Variants in DHFR2 observed in about 807,000 individuals in gnomAD.
DHFR2 encodes dihydrofolate reductase 2, mitochondrial.
A neutral mutation model predicts 12.0 loss-of-function variants in DHFR2; 11 were observed. The observed-to-expected ratio is 0.92, with a 90% CI of 0.58 to 1.52. DHFR2 has a LOEUF of 1.52. Among genes scored for constraint, DHFR2 ranks in the 40% most tolerant of loss-of-function variants. DHFR2 has a pLI of 0.00. For synonymous variants in DHFR2, 87 were observed against 79.6 expected, an observed-to-expected ratio of 1.09 and a Z score of -0.49; for missense variants, 188 against 221.2, an observed-to-expected ratio of 0.85 and a Z score of 0.95.
chr3:94,061,671 ATAAAT>A (rs1397461813), intron 1 of DHFR2, 65 bp from the exon 2 acceptor site: 3 of 903,736 alleles, frequency 3.3e-6, no homozygotes, highest in South Asian at 5.0e-5. Flanking sequence ...ACATAGAAAA[ATAAAT>A]TATATAAAAT....
chr3:94,061,192 G>A lies in DHFR2; in HGVS notation c.320C>T (p.Ala107Val). ...TATCCAAATCATGTCTACTTTATTTGCTAATTCTGGTCGTTCAGTAAGTTT... is the reference window on the plus strand; with the variant it reads ...TATCCAAATCATGTCTACTTTATTTACTAATTCTGGTCGTTCAGTAAGTTT... The part of the protein sequence containing the change: ...ALKLTERPEL[A>V]NKVDMIWIVG... The change falls in exon 2 of 2, where the codon GCA (alanine) becomes GTA (valine). Residue 107 changes from alanine to valine, a missense_variant. Transcript: ENST00000314636. 1 of 1,613,954 alleles carries A rather than the reference G, an allele frequency of 6.2e-7. No homozygotes were observed. Among genetic ancestry groups the A allele is most frequent in the Non-Finnish European group, 8.5e-7 (1 of 1,179,858 alleles).
intron 1 of DHFR2, 48 bp from the exon 2 acceptor site, chr3:94,061,654 G>A (rs920895916): frequency 1.6e-6 from 2 of 1,228,048 alleles, no homozygotes; most frequent in Non-Finnish European, 2.1e-6. Context: ...GCAACATTCT[G>A]GAATGAACAT....
chr3:94,062,732 A>G lies in DHFR2; in HGVS notation c.-96+14T>C, dbSNP rs543547037. ...CACTGCAACCTCAAACTTCTGCCCA[A>G]GCGATCCTCCCACCTCAGCATCCGC... On this transcript the variant is annotated intron_variant, in intron 1 of 1. Coordinates refer to ENST00000314636, the MANE Select transcript of DHFR2 (RefSeq NM_176815.5). The G allele has an allele frequency of 2.2e-4, 58 of 260,088 alleles. No homozygotes were observed. In the Middle Eastern group the frequency reaches 4.2e-3, roughly 19 times the overall value. The allele number at this position is 260,088 out of a possible 1,614,324, so 16.1% of individuals were successfully genotyped here.
upstream of DHFR2, chr3:94,062,965 T>C (rs781504817): frequency 2.7e-6 from 2 of 736,872 alleles, no homozygotes; most frequent in East Asian, 2.6e-5. Flanking sequence ...AAGAATTCTA[T>C]AGCGCGAGCA....
rs2077165576 is a variant in DHFR2, at chr3:94,060,196, G to A, written c.*752C>T. The stretch of plus-strand genomic sequence containing the variant: ...TGGAACTTGCTATTGAGTAGGTGGA[G>A]TACGTTCTGCCCACACACAGGACAG... On this transcript the variant is annotated 3_prime_UTR_variant, in exon 2 of 2. Transcript: ENST00000314636. 1 of 152,330 alleles carries A rather than the reference G, an allele frequency of 6.6e-6. No homozygotes were observed. The highest frequency in any genetic ancestry group is 2.4e-5 in the African/African-American group (1 of 41,452). 9.4% of individuals were successfully genotyped at this position (152,330 alleles called of 1,614,324 possible).
intron 1 of DHFR2, among the ~76,000 whole-genome samples, 169 bp downstream of exon 1, chr3:94,062,577 C>T (rs76700920): frequency 1.3e-5 from 2 of 152,190 alleles, no homozygotes; most frequent in African/African-American, 4.8e-5. Flanking sequence ...AACATAACCC[C>T]AAAACTCATT....
chr3:94,061,301 T>C lies in DHFR2; in HGVS notation c.211A>G (p.Arg71Gly), dbSNP rs1181526862. 1 of 1,613,918 alleles carries C rather than the reference T, an allele frequency of 6.2e-7. No homozygotes were observed. Among genetic ancestry groups the C allele is most frequent in the East Asian group, 2.2e-5 (1 of 44,902 alleles). The stretch of plus-strand genomic sequence containing the variant: ...TCTCTGCTGAGAACTAAATTAATTC[T>C]ATCCTTTAAAGGTCGATTCTTCTCA... The part of the protein sequence containing the change: ...IPEKNRPLKD[R>G]INLVLSRELK... Residue 71 changes from arginine (R) to glycine (G), a missense_variant, in exon 2 of 2, where the codon AGA becomes GGA. Coordinates refer to ENST00000314636, the MANE Select transcript of DHFR2 (RefSeq NM_176815.5).
intron 1 of DHFR2, among the ~76,000 whole-genome samples, chr3:94,062,178 A>C (rs1172970442): frequency 6.6e-6 from 1 of 152,208 alleles, no homozygotes; most frequent in Non-Finnish European, 1.5e-5. Context: ...TCCTTGGAGA[A>C]CCATTAAACA....
At chr3:94,062,521 C>T (rs2077181362) in intron 1 of DHFR2, among the ~76,000 whole-genome samples, 1 of 152,192 alleles carries the variant, frequency 6.6e-6, no homozygotes, top group African/African-American at 2.4e-5. Context: ...TAGATTAAGT[C>T]AGTAACTAGC....
upstream of DHFR2, chr3:94,063,082 T>C (rs764753173): frequency 1.6e-5 from 26 of 1,613,344 alleles, no homozygotes; most frequent in African/African-American, 1.3e-5. Flanking sequence ...GGCTTTTTGA[T>C]ACTGATTCGC....
In DHFR2 at chr3:94,061,157, T is replaced by C; in HGVS notation, c.355A>G (p.Ser119Gly). ...TTCATGGCTTCCTTATAAACAGAAC[T>C]GCCACCAACTATCCAAATCATGTCT... ...KVDMIWIVGGSSVYKEAMNHL... is the reference protein window; with the variant it reads ...KVDMIWIVGGGSVYKEAMNHL... Residue 119 changes from serine (S) to glycine (G), a missense_variant, in exon 2 of 2, where the codon AGT becomes GGT. Physicochemically the swap from Ser to Gly is moderately conservative, Grantham distance 56. Transcript: ENST00000314636. 4 of 1,613,974 alleles carry C rather than the reference T, an allele frequency of 2.5e-6. No individual in the cohort carries two copies. Among genetic ancestry groups the C allele is most frequent in the Non-Finnish European group, 3.4e-6 (4 of 1,179,872 alleles).
In DHFR2 at chr3:94,062,915, C is replaced by G; in HGVS notation, c.-265G>C. On this transcript the variant is annotated 5_prime_UTR_variant, in exon 1 of 2. Transcript: ENST00000314636. ...AGCCTTTACCAGCTACCGGAAGTAA[C>G]TGCGCACGAAATCTCCCGCGGGAGC... 1.8e-6 allele frequency: 1 copy of G among 567,656 alleles called. No homozygotes were observed. Among genetic ancestry groups the G allele is most frequent in the East Asian group, 2.9e-5 (1 of 35,002 alleles). The allele number at this position is 567,656 out of a possible 1,614,324, so 35.2% of individuals were successfully genotyped here.
rs573945227 is a variant in DHFR2 at position 94,058,737 on chromosome 3, T to G, written c.*2211A>C. On this transcript the variant is annotated 3_prime_UTR_variant, in exon 2 of 2. Transcript: ENST00000314636. ...CTTCCCCCTTGTTTTTTTTTGTTTT[T>G]TTTTTTTTTTACTTTTGCTTTATCT... The G allele has an allele frequency of 1.9e-5, 3 of 158,762 alleles. No individual in the cohort carries two copies. Among genetic ancestry groups the G allele is most frequent in the Admixed American group, 1.3e-4 (2 of 15,444 alleles). The allele number at this position is 158,762 out of a possible 1,614,324, so 9.8% of individuals were successfully genotyped here. A position where few individuals can be genotyped will look rare whatever the true frequency, so the allele number is the denominator to read the frequency against.
rs1168380228 is a variant in DHFR2, at chr3:94,062,890, A to C, written c.-240T>G. ...TTACCTCCGCGTCCTGGGAAGTATC[A>C]GCCTTTACCAGCTACCGGAAGTAAC... On this transcript the variant is annotated 5_prime_UTR_variant, in exon 1 of 2. Coordinates refer to ENST00000314636, the MANE Select transcript of DHFR2 (RefSeq NM_176815.5). 1.9e-6 allele frequency: 1 copy of C among 532,978 alleles called. No homozygotes were observed. The highest frequency in any genetic ancestry group is 1.9e-5 in the African/African-American group (1 of 52,618). The allele number at this position is 532,978 out of a possible 1,614,324, so 33.0% of individuals were successfully genotyped here.
In DHFR2 at chr3:94,061,540, G is replaced by T. The variant is rs1210887471; in HGVS notation, c.-29C>A. 8 of 1,612,466 alleles carry T rather than the reference G, an allele frequency of 5.0e-6. No individual in the cohort carries two copies. Among genetic ancestry groups the T allele is most frequent in the Non-Finnish European group, 5.9e-6 (7 of 1,179,160 alleles). ...AGCAGCGGTTAACACCTCCGAACTT[G>T]CTGGCTACGCCAGGAAGCCAGGCCA... On this transcript the variant is annotated 5_prime_UTR_variant, in exon 2 of 2. Transcript: ENST00000314636.
At chr3:94,062,128 T>C (rs2077179137) in intron 1 of DHFR2, among the ~76,000 whole-genome samples, 1 of 152,246 alleles carries the variant, frequency 6.6e-6, no homozygotes, top group Admixed American at 6.5e-5. Context: ...AAAGAGCAAA[T>C]AAACTTCTAT....
rs185685511 is a variant in DHFR2 at position 94,061,752 on chromosome 3, C to T, written c.-95-146G>A. 260 of 594,558 alleles carry T rather than the reference C, an allele frequency of 4.4e-4. 2 individuals are homozygous for T. In the African/African-American group the frequency reaches 5.2e-3, roughly 12 times the overall value. 36.8% of individuals were successfully genotyped at this position (594,558 alleles called of 1,614,324 possible). ...TAAATTTATAAAATTATAAAAAATA[C>T]AGAGGCTGAAAGGTTAGACCGACTT... On this transcript the variant is annotated intron_variant, in intron 1 of 1. Coordinates refer to ENST00000314636, the MANE Select transcript of DHFR2 (RefSeq NM_176815.5).
chr3:94,060,896 A>G lies in DHFR2; in HGVS notation c.*52T>C. The G allele has an allele frequency of 5.7e-6, 9 of 1,572,186 alleles. No individual in the cohort carries two copies. Among genetic ancestry groups the G allele is most frequent in the Non-Finnish European group, 7.8e-6 (9 of 1,158,506 alleles). ...AGTCCCTTTTCTAATGTAAAAATGCATACTTTTCTCAGAGGGAGGGGGAAC... is the reference window on the plus strand; with the variant it reads ...AGTCCCTTTTCTAATGTAAAAATGCGTACTTTTCTCAGAGGGAGGGGGAAC... On this transcript the variant is annotated 3_prime_UTR_variant, in exon 2 of 2. Coordinates refer to ENST00000314636, the MANE Select transcript of DHFR2 (RefSeq NM_176815.5).
In DHFR2 at chr3:94,061,168, A is replaced by G. The variant is rs1426881189; in HGVS notation, c.344T>C (p.Ile115Thr). The G allele has an allele frequency of 2.5e-6, 4 of 1,613,998 alleles. No homozygotes were observed. Among genetic ancestry groups the G allele is most frequent in the South Asian group, 1.1e-5 (1 of 91,078 alleles). The change falls in exon 2 of 2, where the codon ATA becomes ACA. Residue 115 changes from isoleucine (I) to threonine (T), a missense_variant. By Grantham distance (89) the Ile-to-Thr change is moderately conservative. Coordinates refer to ENST00000314636, the MANE Select transcript of DHFR2 (RefSeq NM_176815.5). ...ELANKVDMIW[I>T]VGGSSVYKEA... ...CTTATAAACAGAACTGCCACCAACT[A>G]TCCAAATCATGTCTACTTTATTTGC...
Sources: allele counts gnomAD v4.1 joint callset (sites outside exome capture counted in the v4.1 genomes callset), GRCh38; gene constraint gnomAD v4.1.1; transcripts MANE v1.5; gene names NCBI Gene and HGNC (gene_info 2026-07-23, HGNC 2026-07-21).